SARNP: variants seen among roughly 807,000 people sequenced by gnomAD.
The protein encoded by SARNP is SAP domain-containing ribonucleoprotein.
SARNP carries 5 observed loss-of-function variants against 38.1 expected under a neutral mutation model. That is an observed-to-expected ratio of 0.13 (90% CI 0.07 to 0.28). The LOEUF (loss-of-function observed/expected upper bound fraction) is 0.28. Ranked by LOEUF, SARNP falls within the 10% of genes least tolerant of loss-of-function variation. The probability of loss-of-function intolerance (pLI) is 1.00; values close to 1 mark genes in which losing one functional copy is unlikely to be tolerated. For missense variants in SARNP, 180 were observed against 243.9 expected (o/e 0.74, Z 1.75); for synonymous variants, 84 against 80.6 (o/e 1.04, Z -0.23).
At chr12:55,787,382 T>C (rs1211182608) in intron 9 of SARNP, among the ~76,000 whole-genome samples, 3 of 152,148 alleles carry the variant, frequency 2.0e-5, no homozygotes, top group Non-Finnish European at 4.4e-5. Flanking sequence ...GTCAGGTAAG[T>C]TTCTTCCAAT....
At chr12:55,788,992 C>A in intron 9 of SARNP, 83 bp downstream of exon 9, 1 of 869,640 alleles carries the variant, frequency 1.1e-6, no homozygotes, top group Non-Finnish European at 1.9e-6. Context: ...GCTACATTCT[C>A]AGGAGGGTCA....
chr12:55,794,957 TAAAAAAAAAAAA>T lies in SARNP; in HGVS notation c.304-89_304-78del, dbSNP rs373511418. 2.4e-3 allele frequency: 342 copies of T among 145,428 alleles called. 4 individuals are homozygous for T. Among genetic ancestry groups the T allele is most frequent in the African/African-American group, 0.011 (276 of 24,068 alleles). The allele number at this position is 145,428 out of a possible 1,614,324, so 9.0% of individuals were successfully genotyped here. A position where few individuals can be genotyped will look rare whatever the true frequency, so the allele number is the denominator to read the frequency against. Reference sequence around the variant, plus strand: ...AAAGTCAGTCAGAGGTAGGTATCTTTAAAAAAAAAAAAAAAAAAAAAAAAAAGAGTCTCACTC... The same window carrying T: ...AAAGTCAGTCAGAGGTAGGTATCTTTAAAAAAAAAAAAAAGAGTCTCACTC... On this transcript the variant is annotated intron_variant, in intron 5 of 10. Coordinates refer to ENST00000336133, the MANE Select transcript of SARNP (RefSeq NM_033082.4).
At chr12:55,797,664 G>C (rs1411423558) in intron 4 of SARNP, among the ~76,000 whole-genome samples, 1 of 152,188 alleles carries the variant, frequency 6.6e-6, no homozygotes, top group Non-Finnish European at 1.5e-5. Flanking sequence ...GGGAACCCCA[G>C]ACGGGAAGTT....
intron 9 of SARNP, among the ~76,000 whole-genome samples, chr12:55,786,223 T>C (rs1879489214): frequency 6.6e-6 from 1 of 152,212 alleles, no homozygotes. Flanking sequence ...CAATGTGTAG[T>C]AGGAGCTATG....
At chr12:55,803,238 C>T (rs533425996) in intron 2 of SARNP, among the ~76,000 whole-genome samples, 2 of 152,158 alleles carry the variant, frequency 1.3e-5, no homozygotes, top group African/African-American at 2.4e-5. Flanking sequence ...AATCCCAGCA[C>T]TTTGGGAGGC....
chr12:55,789,250 C>A, intron 8 of SARNP, 107 bp from the exon 9 acceptor site: 1 of 707,856 alleles, frequency 1.4e-6, no homozygotes, highest in South Asian at 1.8e-5. Context: ...CCTATAACAT[C>A]AAAGACACCC....
chr12:55,794,092 A>T, intron 7 of SARNP: 1 of 439,464 alleles, frequency 2.3e-6, no homozygotes, highest in Non-Finnish European at 4.1e-6. Context: ...ATAAGTAAGC[A>T]AAGTACTAGA....
At chr12:55,777,802 T>C (rs78046715) in intron 9 of SARNP, among the ~76,000 whole-genome samples, 1,741 of 152,302 alleles carry the variant, frequency 0.011, 38 homozygotes, top group African/African-American at 0.038. Context: ...GAAAGAGAAG[T>C]TGAGCAAAGA....
intron 1 of SARNP, among the ~76,000 whole-genome samples, chr12:55,815,080 T>A (rs1414090923): frequency 1.3e-5 from 2 of 152,042 alleles, no homozygotes; most frequent in East Asian, 3.9e-4. Context: ...TGAGACAAGG[T>A]CTCCCTTTGT....
intron 2 of SARNP, 56 bp downstream of exon 2, chr12:55,803,573 T>C (rs2136202729): frequency 9.8e-7 from 1 of 1,016,156 alleles, no homozygotes. Flanking sequence ...ATCTTTTCAG[T>C]GTCAAAGCCT....
rs372252897 is a variant in SARNP, at chr12:55,783,228, A to G, written c.501+5847T>C. On this transcript the variant is annotated intron_variant, in intron 9 of 10. Transcript: ENST00000336133. The stretch of plus-strand genomic sequence containing the variant: ...ACAGATAGAGAAAAAACAACCAGTC[A>G]AGCACAAGACAGAAAACCTAGCTGG... 1.1e-3 allele frequency among the ~76,000 whole-genome samples: 168 copies of G among 152,096 alleles called. 4 individuals carry two copies. In the South Asian group the frequency reaches 0.033, roughly 30 times the overall value.
At position 55,796,092 on chromosome 12, in the gene SARNP, A is replaced by AT; in HGVS notation, c.252-17dup. The AT allele has an allele frequency of 2.5e-6, 4 of 1,581,152 alleles. No homozygotes were observed. The highest frequency in any genetic ancestry group is 3.5e-6 in the Non-Finnish European group (4 of 1,151,194). On this transcript the variant is annotated splice_polypyrimidine_tract_variant and intron_variant, in intron 4 of 10. Coordinates refer to ENST00000336133, the MANE Select transcript of SARNP (RefSeq NM_033082.4). Reference sequence around the variant, plus strand: ...CTCTGCTGCCCTAGAAAAGAAAGAGATTTTTTAAAATGAGAAAACTGATAT... The same window carrying AT: ...CTCTGCTGCCCTAGAAAAGAAAGAGATTTTTTTAAAATGAGAAAACTGATAT...
At chr12:55,799,588 G>T (rs191422193) in intron 4 of SARNP, among the ~76,000 whole-genome samples, 2 of 102,854 alleles carry the variant, frequency 1.9e-5, no homozygotes, top group African/African-American at 7.7e-5. Context: ...CGAGACAGCT[G>T]TGGCTCCCAG....
intron 8 of SARNP, among the ~76,000 whole-genome samples, chr12:55,790,033 C>T (rs1201540093): frequency 6.6e-6 from 1 of 150,990 alleles, no homozygotes; most frequent in Non-Finnish European, 1.5e-5. Flanking sequence ...ACCCCTAAAG[C>T]AGGATTTCAT....
At chr12:55,802,779 T>A (rs1046301549) in intron 2 of SARNP, among the ~76,000 whole-genome samples, 9 of 151,574 alleles carry the variant, frequency 5.9e-5, no homozygotes, top group Non-Finnish European at 1.2e-4. Flanking sequence ...GTATCACTTA[T>A]AGTAGCAGAG....
intron 1 of SARNP, among the ~76,000 whole-genome samples, chr12:55,808,426 C>T (rs938599086): frequency 6.6e-6 from 1 of 152,076 alleles, no homozygotes; most frequent in East Asian, 1.9e-4. Flanking sequence ...TCAAGCAATT[C>T]TGCCTCAGCC....
At chr12:55,804,039 G>T (rs1003231072) in intron 1 of SARNP, among the ~76,000 whole-genome samples, 4 of 152,096 alleles carry the variant, frequency 2.6e-5, no homozygotes, top group Non-Finnish European at 5.9e-5. Context: ...GGGGGAAAAA[G>T]GTTTTTTTCT....
chr12:55,802,193 G>C (rs1471386798), intron 2 of SARNP, among the ~76,000 whole-genome samples: 2 of 152,074 alleles, frequency 1.3e-5, no homozygotes, highest in Non-Finnish European at 2.9e-5. Context: ...GATCTACAGA[G>C]CAATTCTGGA....
At chr12:55,767,737 C>T (rs1878881791) in intron 9 of SARNP, among the ~76,000 whole-genome samples, 1 of 150,728 alleles carries the variant, frequency 6.6e-6, no homozygotes, top group Non-Finnish European at 1.5e-5. Flanking sequence ...GTCCCAGCTA[C>T]TCGGGAGGCT....
Sources: gnomAD v4.1 joint callset for allele counts (sites outside exome capture counted in the v4.1 genomes callset) on GRCh38, gnomAD v4.1.1 for gene constraint, MANE v1.5 for transcripts, NCBI Gene and HGNC (gene_info 2026-07-23, HGNC 2026-07-21) for gene names.